Variants in KDM4C observed in about 807,000 individuals in gnomAD.
KDM4C encodes lysine demethylase 4C, also known as lysine-specific demethylase 4C.
KDM4C carries 81 observed loss-of-function variants against 129.3 expected under a neutral mutation model. The observed-to-expected ratio is 0.63, with a 90% CI of 0.52 to 0.75. The LOEUF (loss-of-function observed/expected upper bound fraction) is 0.75. Among genes scored for constraint, KDM4C ranks in the 30% least tolerant of loss-of-function variants. The pLI, the probability that KDM4C is intolerant of heterozygous loss-of-function variation, is 0.00. For synonymous variants in KDM4C, 573 were observed against 456.1 expected (o/e 1.26, Z -3.26); for missense variants, 1,457 against 1,304.0 (o/e 1.12, Z -1.81).
At chr9:6,831,990 T>C (rs1834910429) in intron 4 of KDM4C, among the ~76,000 whole-genome samples, 1 of 152,188 alleles carries the variant, frequency 6.6e-6, no homozygotes, top group African/African-American at 2.4e-5. Flanking sequence ...AAGCTTATTA[T>C]AAGACATGAT....
At chr9:6,745,421 A>T (rs1817841272) in intron 1 of KDM4C, among the ~76,000 whole-genome samples, 1 of 151,976 alleles carries the variant, frequency 6.6e-6, no homozygotes, top group Admixed American at 6.6e-5. Context: ...CAACATAGTG[A>T]GACCCTGTCT....
rs1035994050 is a variant in KDM4C at position 7,077,232 on chromosome 9, A to G, written c.2425-26453A>G. ...TGGCATTCAAGATGCAACACCTACA[A>G]TATGGTGAATTAAAGATGCCATTTG... is the stretch of plus-strand genomic sequence containing the variant. On this transcript the variant is annotated intron_variant, in intron 17 of 21. Coordinates refer to ENST00000381309, the MANE Select transcript of KDM4C (RefSeq NM_015061.6). 9.1e-6 allele frequency: 9 copies of G among 984,990 alleles called. 1 individual carries two copies. The highest frequency in any genetic ancestry group is 5.2e-5 in the African/African-American group (3 of 57,206). 61.0% of individuals were successfully genotyped at this position (984,990 alleles called of 1,614,324 possible).
At chr9:7,057,795 C>CT (rs1307633373) in intron 17 of KDM4C, among the ~76,000 whole-genome samples, 8 of 152,206 alleles carry the variant, frequency 5.3e-5, no homozygotes, top group African/African-American at 1.9e-4. Context: ...CTGCAAACGT[C>CT]TGAGATTCCA....
intron 2 of KDM4C, among the ~76,000 whole-genome samples, chr9:6,799,683 T>C (rs1828556823): frequency 6.6e-6 from 1 of 150,638 alleles, no homozygotes; most frequent in African/African-American, 2.4e-5. Flanking sequence ...AACATTTAAT[T>C]CTACACATAA....
intron 12 of KDM4C, among the ~76,000 whole-genome samples, chr9:6,992,988 A>G (rs902732598): frequency 2.6e-5 from 4 of 152,216 alleles, no homozygotes; most frequent in African/African-American, 9.6e-5. Flanking sequence ...AGCCACTTGT[A>G]CGTTGCTATT....
intron 1 of KDM4C, among the ~76,000 whole-genome samples, chr9:6,785,335 C>T (rs1201895054): frequency 7.0e-6 from 1 of 143,222 alleles, no homozygotes; most frequent in Non-Finnish European, 1.5e-5. Context: ...CTCTTCTCCT[C>T]TTCCTCTTTT....
intron 12 of KDM4C, among the ~76,000 whole-genome samples, chr9:6,995,862 G>C (rs925179537): frequency 1.3e-5 from 2 of 150,308 alleles, no homozygotes; most frequent in Non-Finnish European, 3.0e-5. Flanking sequence ...TGGTAGAGAT[G>C]GGGTTTCACT....
chr9:6,767,508 C>A (rs1820873788), intron 1 of KDM4C, among the ~76,000 whole-genome samples: 1 of 151,790 alleles, frequency 6.6e-6, no homozygotes, highest in African/African-American at 2.4e-5. Context: ...GATCTCGGCT[C>A]ACTGCAACCT....
chr9:7,058,981 T>C (rs1367560428), intron 17 of KDM4C, among the ~76,000 whole-genome samples: 2 of 152,208 alleles, frequency 1.3e-5, no homozygotes, highest in Non-Finnish European at 2.9e-5. Flanking sequence ...GCTTTCTACA[T>C]GAAAACTGGA....
At chr9:7,132,600 G>A (rs547470028) in intron 19 of KDM4C, among the ~76,000 whole-genome samples, 1 of 152,322 alleles carries the variant, frequency 6.6e-6, no homozygotes, top group African/African-American at 2.4e-5. Context: ...CCATCTGTCA[G>A]TCTATGAAAT....
At chr9:7,093,498 G>A (rs1009971877) in intron 17 of KDM4C, among the ~76,000 whole-genome samples, 3 of 152,080 alleles carry the variant, frequency 2.0e-5, no homozygotes, top group African/African-American at 7.2e-5. Flanking sequence ...CGTGGTTATT[G>A]TTACTGTATT....
intron 4 of KDM4C, among the ~76,000 whole-genome samples, chr9:6,839,252 C>G (rs982489370): frequency 6.6e-6 from 1 of 152,102 alleles, no homozygotes; most frequent in East Asian, 1.9e-4. Context: ...CCCTTTGACA[C>G]AGGGTCTCAC....
At chr9:6,734,743 A>G in intron 1 of KDM4C, 1 of 337,294 alleles carries the variant, frequency 3.0e-6, no homozygotes, top group East Asian at 7.8e-5. Flanking sequence ...TGAGGATGTG[A>G]CTTGTATATA....
intron 1 of KDM4C, among the ~76,000 whole-genome samples, chr9:6,760,082 A>AT (rs747114853): frequency 2.0e-5 from 3 of 152,118 alleles, no homozygotes; most frequent in Non-Finnish European, 4.4e-5. Flanking sequence ...CTCTGTTCCT[A>AT]TTAGCTGTCA....
At chr9:7,127,981 T>C in intron 18 of KDM4C, 85 bp from the exon 19 acceptor site, 1 of 1,171,980 alleles carries the variant, frequency 8.5e-7, no homozygotes, top group African/African-American at 1.6e-5. Flanking sequence ...AATGATTGTT[T>C]TTCAAATGAA....
At chr9:7,042,486 G>C (rs957417369) in intron 15 of KDM4C, among the ~76,000 whole-genome samples, 1 of 152,166 alleles carries the variant, frequency 6.6e-6, no homozygotes. Context: ...AAACAAATAG[G>C]AACACAAATT....
intron 8 of KDM4C, among the ~76,000 whole-genome samples, chr9:6,913,035 G>C (rs1227059753): frequency 6.6e-6 from 1 of 152,120 alleles, no homozygotes; most frequent in Non-Finnish European, 1.5e-5. Flanking sequence ...AGAAAATACT[G>C]GTCGTATCAG....
At chr9:6,779,666 C>T (rs190669284) in intron 1 of KDM4C, among the ~76,000 whole-genome samples, 1 of 152,288 alleles carries the variant, frequency 6.6e-6, no homozygotes, top group African/African-American at 2.4e-5. Flanking sequence ...GCTCTTGCAA[C>T]CTTCAACAGT....
rs953132326 is a variant in KDM4C, at chr9:6,945,963, A to G, written c.922-34962A>G. Among the ~76,000 whole-genome samples the G allele has an allele frequency of 3.1e-4, 47 of 152,124 alleles. 1 individual carries two copies. The highest frequency in any genetic ancestry group is 3.1e-3 in the Admixed American group (47 of 15,272). On this transcript the variant is annotated intron_variant, in intron 8 of 21. Transcript: ENST00000381309. ...CAGATGTCTTTTCTATTGGTATTTT[A>G]TGGCAAAATTTATACCATTCAAATG... is the stretch of plus-strand genomic sequence containing the variant.
Sources: allele counts gnomAD v4.1 joint callset (sites outside exome capture counted in the v4.1 genomes callset), GRCh38; gene constraint gnomAD v4.1.1; transcripts MANE v1.5; gene names NCBI Gene and HGNC (gene_info 2026-07-23, HGNC 2026-07-21).